The following CHST10 variants were observed in gnomAD, a reference collection of about 807,000 sequenced individuals.
CHST10 encodes the protein carbohydrate sulfotransferase 10.
CHST10 carries 24 observed loss-of-function variants against 34.7 expected under a neutral mutation model. The observed-to-expected ratio is 0.69, with a 90% CI of 0.50 to 0.97. The LOEUF (loss-of-function observed/expected upper bound fraction) is 0.97, where lower values mean the gene tolerates loss of function less well. CHST10 is among the 50% of genes least tolerant of loss of function. The probability of loss-of-function intolerance (pLI) is 0.00; values close to 1 mark genes in which losing one functional copy is unlikely to be tolerated. For synonymous variants in CHST10, 161 were observed against 169.3 expected (o/e 0.95, Z 0.38); for missense variants, 402 against 452.1 (o/e 0.89, Z 1.00).
At position 100,396,112 on chromosome 2, in the gene CHST10, T is replaced by G. The variant is rs552018552; in HGVS notation, c.428-498A>C. ...AAGCTCTCCAAGCACCACATGCCCCTGGCCCACAGTGGCTCTCAGGTACCC... is the reference window on the plus strand; with the variant it reads ...AAGCTCTCCAAGCACCACATGCCCCGGGCCCACAGTGGCTCTCAGGTACCC... On this transcript the variant is annotated intron_variant, in intron 5 of 6. Transcript: ENST00000264249. 3.3e-5 allele frequency among the ~76,000 whole-genome samples: 5 copies of G among 152,322 alleles called. No individual in the cohort carries two copies. The South Asian group carries it at 1.0e-3, about 32-fold the overall frequency.
chr2:100,417,256 A>C, intron 1 of CHST10, 118 bp downstream of exon 1: 1 of 360,884 alleles, frequency 2.8e-6, no homozygotes, highest in Non-Finnish European at 5.5e-6. Context: ...GCCAAAACAC[A>C]CCGGGATGTG....
At chr2:100,414,094 C>CATGGGCA (rs796894582) in intron 2 of CHST10, among the ~76,000 whole-genome samples, 9 of 152,232 alleles carry the variant, frequency 5.9e-5, no homozygotes, top group African/African-American at 2.2e-4. Flanking sequence ...TAAACAAGGG[C>CATGGGCA]ATGGGCAGGA....
At chr2:100,399,253 A>G (rs1215754600) in intron 4 of CHST10, among the ~76,000 whole-genome samples, 5 of 152,072 alleles carry the variant, frequency 3.3e-5, no homozygotes, top group African/African-American at 4.8e-5. Context: ...ATAGGTGCCC[A>G]CCACCATGCC....
intron 4 of CHST10, among the ~76,000 whole-genome samples, chr2:100,400,844 A>G (rs958760254): frequency 7.2e-5 from 11 of 151,740 alleles, no homozygotes; most frequent in African/African-American, 2.4e-4. Context: ...ACACCTGGCT[A>G]TTTTTTTGTA....
chr2:100,400,588 T>C (rs1301264544), intron 4 of CHST10, among the ~76,000 whole-genome samples: 1 of 152,258 alleles, frequency 6.6e-6, no homozygotes, highest in Non-Finnish European at 1.5e-5. Flanking sequence ...GAGCATTGTT[T>C]TCTTTTTTCC....
intron 3 of CHST10, among the ~76,000 whole-genome samples, chr2:100,403,365 A>G (rs1675427979): frequency 6.6e-6 from 1 of 151,980 alleles, no homozygotes; most frequent in African/African-American, 2.4e-5. Context: ...GCTGAGGGGG[A>G]TTTATTTTCT....
chr2:100,405,948 G>T (rs61710328), intron 3 of CHST10, among the ~76,000 whole-genome samples: 20,291 of 152,204 alleles, frequency 0.13, 3,492 homozygotes, highest in African/African-American at 0.39. Flanking sequence ...AGCAGGCAGG[G>T]TGTCCATTTG....
At chr2:100,395,635 A>C (rs201401640) in intron 5 of CHST10, 21 bp from the exon 6 acceptor site, 114 of 1,606,572 alleles carry the variant, frequency 7.1e-5, no homozygotes, top group Admixed American at 2.2e-4. Flanking sequence ...AACGGAAAGG[A>C]AGGCAGGTTG....
intron 5 of CHST10, among the ~76,000 whole-genome samples, chr2:100,397,221 G>C (rs905807061): frequency 6.6e-6 from 1 of 152,240 alleles, no homozygotes; most frequent in Non-Finnish European, 1.5e-5. Context: ...GATCGGTTCA[G>C]ACTAATTGGA....
intron 2 of CHST10, among the ~76,000 whole-genome samples, chr2:100,409,241 G>A (rs539111721): frequency 6.6e-6 from 1 of 152,178 alleles, no homozygotes; most frequent in East Asian, 1.9e-4. Context: ...CTTTCCAATG[G>A]AACTAGTCTT....
intron 1 of CHST10, chr2:100,416,938 G>A (rs1676091068): frequency 7.7e-7 from 1 of 1,301,614 alleles, no homozygotes; most frequent in Non-Finnish European, 1.0e-6. Context: ...AGGGCACCCC[G>A]GGGCCCCTCA....
intron 5 of CHST10, among the ~76,000 whole-genome samples, chr2:100,395,897 C>T (rs1174739984): frequency 6.6e-6 from 1 of 152,176 alleles, no homozygotes; most frequent in Non-Finnish European, 1.5e-5. Flanking sequence ...CAGTGCCTAC[C>T]CCTGGCAATG....
At chr2:100,397,542 A>C (rs1165011091) in intron 5 of CHST10, among the ~76,000 whole-genome samples, 1 of 152,058 alleles carries the variant, frequency 6.6e-6, no homozygotes, top group Non-Finnish European at 1.5e-5. Flanking sequence ...TGGCTCTGCG[A>C]GTGTGGGGCC....
chr2:100,417,120 T>C, intron 1 of CHST10: 1 of 1,207,484 alleles, frequency 8.3e-7, no homozygotes, highest in Non-Finnish European at 1.1e-6. Flanking sequence ...AAGTAAATTG[T>C]AGGCTCGCAC....
At chr2:100,409,106 G>A (rs75388567) in intron 2 of CHST10, among the ~76,000 whole-genome samples, 14,061 of 152,228 alleles carry the variant, frequency 0.092, 857 homozygotes, top group South Asian at 0.2. Flanking sequence ...CATGTGGCGG[G>A]AGGACCTGGG....
chr2:100,393,477 A>G lies in CHST10; in HGVS notation c.839T>C (p.Ile280Thr). 1 of 1,614,170 alleles carries G rather than the reference A, an allele frequency of 6.2e-7. No individual in the cohort carries two copies. Among genetic ancestry groups the G allele is most frequent in the Middle Eastern group, 1.6e-4 (1 of 6,062 alleles). ...GTCCTCCAGGGTCTCGTGGTGTCCA[A>G]TCACACTGTACATTATCTCACAGGG... ...CAPCEIMYSV[I>T]GHHETLEDDA... The change falls in exon 7 of 7, where the codon ATT becomes ACT. Residue 280 changes from isoleucine (I) to threonine (T), a missense_variant. Coordinates refer to ENST00000264249, the MANE Select transcript of CHST10 (RefSeq NM_004854.5).
rs1015926774 is a variant in CHST10, at chr2:100,412,198, G to A, written c.-33+2843C>T. 2.0e-5 allele frequency among the ~76,000 whole-genome samples: 3 copies of A among 152,188 alleles called. No homozygotes were observed. The Middle Eastern group carries it at 9.5e-3, about 482-fold the overall frequency. On this transcript the variant is annotated intron_variant, in intron 2 of 6. Transcript: ENST00000264249. ...CAAGGTCATTTTCATTCATGGAGGA[G>A]GGAGAATTCTAACCCGGCACAAGCA...
intron 2 of CHST10, among the ~76,000 whole-genome samples, chr2:100,414,409 G>A (rs1675978509): frequency 6.6e-6 from 1 of 152,014 alleles, no homozygotes; most frequent in Non-Finnish European, 1.5e-5. Context: ...CAAGGAACTG[G>A]TAACCCCAGG....
intron 2 of CHST10, among the ~76,000 whole-genome samples, chr2:100,413,152 C>T (rs1299182498): frequency 6.6e-6 from 1 of 152,222 alleles, no homozygotes; most frequent in Non-Finnish European, 1.5e-5. Context: ...GGCTGCTGCT[C>T]TCCCTACAGC....
Sources: allele counts gnomAD v4.1 joint callset (sites outside exome capture counted in the v4.1 genomes callset), GRCh38; gene constraint gnomAD v4.1.1; transcripts MANE v1.5; gene names NCBI Gene and HGNC (gene_info 2026-07-23, HGNC 2026-07-21).